Variants in CSNK1G3 observed in about 807,000 individuals in gnomAD.
CSNK1G3 encodes the protein casein kinase I isoform gamma-3.
In CSNK1G3, 23 loss-of-function variants were observed where a neutral mutation model predicts 64.3. The ratio of observed to expected loss-of-function variants is 0.36; its 90% CI spans 0.26 to 0.51. CSNK1G3 has a LOEUF of 0.51. Ranked by LOEUF, CSNK1G3 falls within the 20% of genes least tolerant of loss-of-function variation. The pLI is 0.96. For missense variants in CSNK1G3, 357 were observed against 510.5 expected, an observed-to-expected ratio of 0.70 and a Z score of 2.90; for synonymous variants, 158 against 162.2, an observed-to-expected ratio of 0.97 and a Z score of 0.20.
chr5:123,590,955 C>T (rs936857653), intron 9 of CSNK1G3, among the ~76,000 whole-genome samples: 8 of 151,598 alleles, frequency 5.3e-5, no homozygotes, highest in African/African-American at 1.9e-4. Flanking sequence ...TTTTAATTTT[C>T]TTAAAAGTTT....
chr5:123,604,708 T>A lies in CSNK1G3; in HGVS notation c.1087-16T>A, dbSNP rs535017724. On this transcript the variant is annotated splice_polypyrimidine_tract_variant and intron_variant, in intron 10 of 12. Coordinates refer to ENST00000345990, the Ensembl canonical transcript of CSNK1G3. ...TGTGTACATATACATATATAAAAAATTTTTTTTTCAAACAGGTTGTAAGTT... is the reference window on the plus strand; with the variant it reads ...TGTGTACATATACATATATAAAAAAATTTTTTTTCAAACAGGTTGTAAGTT... 260 of 1,503,306 alleles carry A rather than the reference T, an allele frequency of 1.7e-4. 2 individuals are homozygous for A. The highest frequency in any genetic ancestry group is 2.3e-4 in the Admixed American group (13 of 55,930). 93.1% of individuals were successfully genotyped at this position (1,503,306 alleles called of 1,614,324 possible). A position where few individuals can be genotyped will look rare whatever the true frequency, so the allele number is the denominator to read the frequency against.
chr5:123,576,305 G>A (rs1428970032), intron 6 of CSNK1G3, among the ~76,000 whole-genome samples: 1 of 152,120 alleles, frequency 6.6e-6, no homozygotes. Flanking sequence ...TTCAGTACAT[G>A]TGGAAATTTT....
At chr5:123,516,295 G>A (rs745428470) in intron 1 of CSNK1G3, among the ~76,000 whole-genome samples, 2 of 152,146 alleles carry the variant, frequency 1.3e-5, no homozygotes, top group Non-Finnish European at 2.9e-5. Context: ...GATTCTTAAT[G>A]TGTAGAAATC....
intron 1 of CSNK1G3, among the ~76,000 whole-genome samples, chr5:123,515,946 A>G (rs913602445): frequency 2.6e-5 from 4 of 152,308 alleles, no homozygotes; most frequent in Middle Eastern, 6.8e-3. Flanking sequence ...TAGAGTTTAA[A>G]TAATGTGTTG....
At chr5:123,614,650 C>T in exon 13 of CSNK1G3, 1 of 366,054 alleles carries the variant, frequency 2.7e-6, no homozygotes, top group Non-Finnish European at 4.9e-6. Context: ...ATGGAATGGA[C>T]CAATGAGGTG....
At chr5:123,604,472 C>T (rs1360813411) in intron 10 of CSNK1G3, among the ~76,000 whole-genome samples, 1 of 151,970 alleles carries the variant, frequency 6.6e-6, no homozygotes, top group Non-Finnish European at 1.5e-5. Flanking sequence ...ACAGAAGACA[C>T]AGATTTCAAT....
At chr5:123,586,380 G>T (rs1168190762) in intron 6 of CSNK1G3, among the ~76,000 whole-genome samples, 3 of 152,154 alleles carry the variant, frequency 2.0e-5, no homozygotes, top group Non-Finnish European at 2.9e-5. Context: ...ATACCCTCAG[G>T]ACTACGAGAA....
chr5:123,554,631 C>T (rs765705697), intron 3 of CSNK1G3, among the ~76,000 whole-genome samples: 3 of 152,154 alleles, frequency 2.0e-5, no homozygotes, highest in Non-Finnish European at 4.4e-5. Context: ...CCAGCCTGGA[C>T]GTTGTTTGAA....
At chr5:123,545,872 A>T in intron 2 of CSNK1G3, 31 bp downstream of exon 2, 1 of 1,526,942 alleles carries the variant, frequency 6.5e-7, no homozygotes, top group Non-Finnish European at 9.0e-7. Context: ...CCATTATGTT[A>T]GAAACATTTT....
At chr5:123,518,657 C>T (rs2149932169) in intron 1 of CSNK1G3, among the ~76,000 whole-genome samples, 1 of 152,256 alleles carries the variant, frequency 6.6e-6, no homozygotes, top group East Asian at 1.9e-4. Flanking sequence ...AACGTCCTAA[C>T]TAGTTATCAT....
intron 6 of CSNK1G3, among the ~76,000 whole-genome samples, chr5:123,577,407 A>G (rs1232146658): frequency 1.3e-5 from 2 of 152,234 alleles, no homozygotes; most frequent in Non-Finnish European, 2.9e-5. Flanking sequence ...ATATATACGT[A>G]TGTATACACA....
chr5:123,552,875 ACTAGTAT>A, intron 2 of CSNK1G3: 1 of 279,690 alleles, frequency 3.6e-6, no homozygotes, highest in Non-Finnish European at 6.9e-6. Context: ...TAAGTGGGCT[ACTAGTAT>A]CTGTAGTGTC....
intron 1 of CSNK1G3, among the ~76,000 whole-genome samples, 191 bp downstream of exon 1, chr5:123,512,761 G>A (rs1776438342): frequency 6.6e-6 from 1 of 150,956 alleles, no homozygotes; most frequent in African/African-American, 2.4e-5. Flanking sequence ...TGGCCCGGAG[G>A]CGTGGGCAGG....
rs777153914 is a variant in CSNK1G3, at chr5:123,590,565, A to G, written c.990+7A>G. 7.0e-7 allele frequency: 1 copy of G among 1,435,404 alleles called. No homozygotes were observed. The highest frequency in any genetic ancestry group is 2.6e-5 in the Admixed American group (1 of 38,340). The allele number at this position is 1,435,404 out of a possible 1,614,324, so 88.9% of individuals were successfully genotyped here. ...CTGGATTGGTAAACAGTTGGTGAGT[A>G]TTCTATATAATAATATATTACTTAC... is the stretch of plus-strand genomic sequence containing the variant. On this transcript the variant is annotated splice_region_variant and intron_variant, in intron 9 of 12. Coordinates refer to ENST00000345990, the Ensembl canonical transcript of CSNK1G3.
intron 12 of CSNK1G3, among the ~76,000 whole-genome samples, chr5:123,610,967 G>C (rs966802568): frequency 6.6e-6 from 1 of 152,186 alleles, no homozygotes; most frequent in Non-Finnish European, 1.5e-5. Context: ...TTAAATTCTA[G>C]TGCAAAGGCA....
chr5:123,567,979 C>T (rs1787264309), intron 4 of CSNK1G3, among the ~76,000 whole-genome samples: 5 of 152,130 alleles, frequency 3.3e-5, no homozygotes, highest in Non-Finnish European at 7.4e-5. Context: ...GTTGTGGAAA[C>T]GTTTTCCCTG....
chr5:123,516,952 G>C (rs191456560), intron 1 of CSNK1G3, among the ~76,000 whole-genome samples: 1 of 152,302 alleles, frequency 6.6e-6, no homozygotes, highest in East Asian at 1.9e-4. Context: ...AAAGGGAAGA[G>C]AGTTACCCTG....
chr5:123,600,727 T>C (rs1040591920), intron 10 of CSNK1G3, among the ~76,000 whole-genome samples: 1 of 152,108 alleles, frequency 6.6e-6, no homozygotes, highest in African/African-American at 2.4e-5. Context: ...TTAAAAATCA[T>C]TGACAATAAA....
At chr5:123,542,128 A>G (rs537431385) in intron 1 of CSNK1G3, among the ~76,000 whole-genome samples, 21 of 152,224 alleles carry the variant, frequency 1.4e-4, no homozygotes, top group African/African-American at 2.4e-5. Context: ...AAAGTTATAT[A>G]TATTTATTGT....
Sources: allele counts gnomAD v4.1 joint callset (sites outside exome capture counted in the v4.1 genomes callset), GRCh38; gene constraint gnomAD v4.1.1; transcripts MANE v1.5; gene names NCBI Gene and HGNC (gene_info 2026-07-23, HGNC 2026-07-21).